LRP4: variants seen among roughly 807,000 people sequenced by gnomAD.
LRP4 encodes low-density lipoprotein receptor-related protein 4.
LRP4 carries 95 observed loss-of-function variants against 220.3 expected under a neutral mutation model. The ratio of observed to expected loss-of-function variants is 0.43; its 90% CI spans 0.37 to 0.51. The LOEUF is 0.51. Ranked by LOEUF, LRP4 falls within the 20% of genes least tolerant of loss-of-function variation. The pLI, the probability that LRP4 is intolerant of heterozygous loss-of-function variation, is 0.00. For synonymous variants in LRP4, 903 were observed against 954.6 expected, an observed-to-expected ratio of 0.95 and a Z score of 1.00; for missense variants, 1,925 against 2,567.0, an observed-to-expected ratio of 0.75 and a Z score of 5.40.
chr11:46,897,384 TA>T (rs1941560874), intron 7 of LRP4, among the ~76,000 whole-genome samples: 2 of 148,370 alleles, frequency 1.3e-5, no homozygotes, highest in African/African-American at 4.9e-5. Flanking sequence ...TTTTATTTTT[TA>T]ATTTTTTTAT....
In LRP4 at chr11:46,918,242, C is replaced by T; in HGVS notation, c.52+86G>A. 2 of 1,403,178 alleles carry T rather than the reference C, an allele frequency of 1.4e-6. No homozygotes were observed. Among genetic ancestry groups the T allele is most frequent in the Admixed American group, 2.1e-5 (1 of 48,324 alleles). 86.9% of individuals were successfully genotyped at this position (1,403,178 alleles called of 1,614,324 possible). ...AGGAGCGAGGGCGAGGGGTCTCAGG[C>T]CCCGGCCCGCGCCGTCCAGGTCCCG... On this transcript the variant is annotated intron_variant, in intron 1 of 37. Coordinates refer to ENST00000378623, the MANE Select transcript of LRP4 (RefSeq NM_002334.4). This position sits in a 1 kb window ranked among gnomAD's most constrained non-coding sequence, Gnocchi z 6.0.
intron 31 of LRP4, among the ~76,000 whole-genome samples, chr11:46,870,385 TTTC>T (rs1243509058): frequency 1.3e-5 from 2 of 152,192 alleles, no homozygotes; most frequent in Admixed American, 1.3e-4. Context: ...TTTATTTCTC[TTTC>T]TTTTCTTTCC....
In LRP4 at chr11:46,896,264, T is replaced by C; in HGVS notation, c.994A>G (p.Asn332Asp). The C allele has an allele frequency of 6.2e-7, 1 of 1,614,190 alleles. No individual in the cohort carries two copies. The highest frequency in any genetic ancestry group is 8.5e-7 in the Non-Finnish European group (1 of 1,180,040). Residue 332 changes from asparagine (N) to aspartate (D), a missense_variant, in exon 9 of 38, where the codon AAC becomes GAC. This residue lies in a region of LRP4 where 412 missense variants were observed against 505.4 expected (regional missense o/e 0.82). Transcript: ENST00000378623. ...GRCIGQRKLC[N>D]GVNDCGDNSD... ...TTGTCACCACAGTCGTTGACCCCGTTGCACAGCTTCCTCTGCCCAATGCAG... is the reference window on the plus strand; with the variant it reads ...TTGTCACCACAGTCGTTGACCCCGTCGCACAGCTTCCTCTGCCCAATGCAG...
intron 19 of LRP4, 46 bp downstream of exon 19, chr11:46,883,825 C>A: frequency 1.4e-6 from 2 of 1,424,112 alleles, no homozygotes; most frequent in East Asian, 4.5e-5. Flanking sequence ...GAGCTCAGAT[C>A]TTGGGAGGGG....
rs1941023948 is a variant in LRP4, at chr11:46,876,545, G to C, written c.3457C>G (p.Leu1153Val). Residue 1153 changes from leucine to valine, a missense_variant, in exon 25 of 38, where the codon CTG becomes GTG. Transcript: ENST00000378623. ...AACACTTTCCGCATGGACCCGTCCA[G>C]GTTGCCCACTTCAATCCGGTTTGTT... Reference protein sequence around the residue: ...TGTNRIEVGNLDGSMRKVLVW... With the variant: ...TGTNRIEVGNVDGSMRKVLVW... The C allele has an allele frequency of 6.2e-7, 1 of 1,614,234 alleles. No individual in the cohort carries two copies. Among genetic ancestry groups the C allele is most frequent in the Non-Finnish European group, 8.5e-7 (1 of 1,180,054 alleles).
intron 37 of LRP4, chr11:46,860,991 C>G (rs1940530400): frequency 6.1e-6 from 6 of 983,348 alleles, no homozygotes; most frequent in Non-Finnish European, 7.2e-6. Flanking sequence ...GAAAGAGCTG[C>G]TGAGGAAGAA....
rs1158489710 is a variant in LRP4 at position 46,896,950 on chromosome 11, G to A, written c.841C>T (p.Arg281Cys). ...CAGCGCCAGGACAGGCGGACACAGCGGCCTGAGTGACAGCGGAACTGTTCT... is the reference window on the plus strand; with the variant it reads ...CAGCGCCAGGACAGGCGGACACAGCAGCCTGAGTGACAGCGGAACTGTTCT... ...TAEQFRCHSG[R>C]CVRLSWRCDG... Residue 281 changes from arginine (R) to cysteine (C), a missense_variant, in exon 8 of 38, where the codon CGC becomes TGC. Physicochemically the swap from Arg to Cys is radical, Grantham distance 180. This residue lies in a region of LRP4 where 412 missense variants were observed against 505.4 expected (regional missense o/e 0.82). Coordinates refer to ENST00000378623, the MANE Select transcript of LRP4 (RefSeq NM_002334.4). The A allele has an allele frequency of 3.1e-6, 5 of 1,614,204 alleles. No individual in the cohort carries two copies. The highest frequency in any genetic ancestry group is 4.2e-6 in the Non-Finnish European group (5 of 1,180,026).
rs1941633596 is a variant in LRP4, at chr11:46,900,058, T to C, written c.317-82A>G. On this transcript the variant is annotated intron_variant, in intron 3 of 37. Coordinates refer to ENST00000378623, the MANE Select transcript of LRP4 (RefSeq NM_002334.4). ...CCTGACTTAAAGCCCTCCGGAGCAGTCAAGTAGCTCCAGTGCTGCCCTGAG... is the reference window on the plus strand; with the variant it reads ...CCTGACTTAAAGCCCTCCGGAGCAGCCAAGTAGCTCCAGTGCTGCCCTGAG... 13 of 1,172,986 alleles carry C rather than the reference T, an allele frequency of 1.1e-5. No homozygotes were observed. The Admixed American group carries it at 2.1e-4, about 19-fold the overall frequency. 72.7% of individuals were successfully genotyped at this position (1,172,986 alleles called of 1,614,324 possible).
intron 1 of LRP4, among the ~76,000 whole-genome samples, chr11:46,913,509 G>T (rs1185256951): frequency 6.6e-6 from 1 of 152,192 alleles, no homozygotes; most frequent in Non-Finnish European, 1.5e-5. Context: ...AAGCTGACAG[G>T]CTTCCTGATT....
chr11:46,898,593 G>A lies in LRP4; in HGVS notation c.761C>T (p.Ala254Val), dbSNP rs767281769. 9.9e-6 allele frequency: 16 copies of A among 1,614,016 alleles called. No homozygotes were observed. Among genetic ancestry groups the A allele is most frequent in the Admixed American group, 5.0e-5 (3 of 59,996 alleles). The stretch of plus-strand genomic sequence containing the variant: ...CTCATCAGACTGGTCATCACAGTCC[G>A]CGTCACCATCGCAGCGCCAGCCTGC... The part of the protein sequence containing the change: ...INAGWRCDGD[A>V]DCDDQSDERN... The change falls in exon 7 of 38, where the codon GCG (alanine) becomes GTG (valine). Residue 254 changes from alanine to valine, a missense_variant. Ala to Val is a moderately conservative substitution (Grantham distance 64, BLOSUM62 0). This residue lies in a region of LRP4 where 412 missense variants were observed against 505.4 expected (regional missense o/e 0.82). Coordinates refer to ENST00000378623, the MANE Select transcript of LRP4 (RefSeq NM_002334.4).
At chr11:46,883,645 A>C (rs1464959637) in intron 19 of LRP4, among the ~76,000 whole-genome samples, 1 of 152,072 alleles carries the variant, frequency 6.6e-6, no homozygotes, top group Non-Finnish European at 1.5e-5. Flanking sequence ...CTTACTTCAC[A>C]CCTCTATAGT....
At chr11:46,912,222 T>C (rs1941871965) in intron 1 of LRP4, among the ~76,000 whole-genome samples, 1 of 152,232 alleles carries the variant, frequency 6.6e-6, no homozygotes, top group Non-Finnish European at 1.5e-5. Context: ...TGATATCATA[T>C]ACTAAATGCT....
In LRP4 at chr11:46,886,156, C is replaced by A. The variant is rs765390755; in HGVS notation, c.2441G>T (p.Ser814Ile). ...GGCCAGGCCAGCTGGGCTCTCCAAACTGGTATCCACTACCACCTGGGCAGG... is the reference window on the plus strand; with the variant it reads ...GGCCAGGCCAGCTGGGCTCTCCAAAATGGTATCCACTACCACCTGGGCAGG... ...GTGQEVVVDT[S>I]LESPAGLAID... The change falls in exon 18 of 38, where the codon AGT (serine) becomes ATT (isoleucine). Residue 814 changes from serine to isoleucine, a missense_variant. By Grantham distance (142) the Ser-to-Ile change is moderately radical (BLOSUM62 -2). Coordinates refer to ENST00000378623, the MANE Select transcript of LRP4 (RefSeq NM_002334.4). 6.2e-7 allele frequency: 1 copy of A among 1,614,130 alleles called. No homozygotes were observed. Among genetic ancestry groups the A allele is most frequent in the Non-Finnish European group, 8.5e-7 (1 of 1,180,010 alleles).
chr11:46,866,015 T>C (rs938503548), intron 34 of LRP4, among the ~76,000 whole-genome samples: 1 of 152,148 alleles, frequency 6.6e-6, no homozygotes, highest in African/African-American at 2.4e-5. Context: ...TTTAGGGACA[T>C]TGAGTCTAAA....
intron 1 of LRP4, among the ~76,000 whole-genome samples, chr11:46,908,703 T>A (rs893850074): frequency 2.0e-5 from 3 of 152,158 alleles, no homozygotes; most frequent in African/African-American, 7.2e-5. Context: ...ACTGCTAAGG[T>A]AAAGAAAGAT....
In LRP4 at chr11:46,875,125, A is replaced by G; in HGVS notation, c.3926-22T>C. On this transcript the variant is annotated intron_variant, in intron 27 of 37. Coordinates refer to ENST00000378623, the MANE Select transcript of LRP4 (RefSeq NM_002334.4). The surrounding 1 kb of genome is among the most constrained non-coding windows in gnomAD (Gnocchi z 4.5). ...AAACCTGGTGATGAGAAGCACAAGT[A>G]TTCACACCTAGCCTGGAACATCATC... The G allele has an allele frequency of 6.2e-7, 1 of 1,607,252 alleles. No homozygotes were observed. Among genetic ancestry groups the G allele is most frequent in the South Asian group, 1.1e-5 (1 of 90,884 alleles).
intron 1 of LRP4, among the ~76,000 whole-genome samples, chr11:46,908,022 C>G (rs1350548710): frequency 6.6e-6 from 1 of 152,092 alleles, no homozygotes; most frequent in African/African-American, 2.4e-5. Flanking sequence ...GCAACCTCCG[C>G]CTCCCGAGAA....
chr11:46,886,526 G>A lies in LRP4; in HGVS notation c.2223C>T (p.Asp741=). The stretch of plus-strand genomic sequence containing the variant: ...TCCTTCGGGCAAAAAGCAGGAACTT[G>A]TCAAGACCTGATCAAAGGCCGAAAG... ...ISSHACAQSL[D]KFLLFARRMD... is the part of the protein sequence containing the mutation. Residue 741 remains aspartate (D), a synonymous_variant, in exon 17 of 38, where the codon GAC becomes GAT. Coordinates refer to ENST00000378623, the MANE Select transcript of LRP4 (RefSeq NM_002334.4). 1 of 1,614,032 alleles carries A rather than the reference G, an allele frequency of 6.2e-7. No homozygotes were observed. Among genetic ancestry groups the A allele is most frequent in the East Asian group, 2.2e-5 (1 of 44,884 alleles).
intron 34 of LRP4, among the ~76,000 whole-genome samples, chr11:46,865,456 G>C (rs926030806): frequency 1.3e-5 from 2 of 152,220 alleles, no homozygotes; most frequent in Non-Finnish European, 2.9e-5. Context: ...TGAGTTGGAA[G>C]TCTGCAGAAA....
Sources: allele counts gnomAD v4.1 joint callset (sites outside exome capture counted in the v4.1 genomes callset), GRCh38; gene constraint gnomAD v4.1.1; regional missense constraint gnomAD v4.1.1; non-coding constraint Gnocchi (gnomAD v3.1); transcripts MANE v1.5; gene names NCBI Gene and HGNC (gene_info 2026-07-23, HGNC 2026-07-21).